YIPF6: variants seen among roughly 807,000 people sequenced by gnomAD.
The protein encoded by YIPF6 is Yip1 domain family member 6, also known as protein YIPF6.
In YIPF6, 3 loss-of-function variants were observed where a neutral mutation model predicts 16.8. The ratio of observed to expected loss-of-function variants is 0.18; its 90% CI spans 0.08 to 0.46. The LOEUF (loss-of-function observed/expected upper bound fraction) is 0.46. Ranked by LOEUF, YIPF6 falls within the 20% of genes least tolerant of loss-of-function variation. The pLI, the probability that YIPF6 is intolerant of heterozygous loss-of-function variation, is 0.98. For missense variants in YIPF6, 145 were observed against 184.9 expected (o/e 0.78, Z 1.25); for synonymous variants, 67 against 61.9 (o/e 1.08, Z -0.38).
chrX:68,521,339 T>A (rs201900614), intron 4 of YIPF6, 33 bp from the exon 5 acceptor site: 3 of 1,198,197 alleles, frequency 2.5e-6, no homozygotes, highest in South Asian at 1.9e-5. Context: ...AAGTAAAAGA[T>A]TAAGCAATTC....
intron 1 of YIPF6, among the ~76,000 whole-genome samples, chrX:68,503,446 G>C (rs759061776): frequency 9.0e-6 from 1 of 111,714 alleles, no homozygotes; most frequent in Non-Finnish European, 1.9e-5. Context: ...CGCCTTTCCC[G>C]CTGAGGGCTA....
intron 3 of YIPF6, among the ~76,000 whole-genome samples, chrX:68,517,784 A>G (rs1332301401): frequency 3.8e-5 from 4 of 106,381 alleles, no homozygotes; most frequent in African/African-American, 1.4e-4. Context: ...CCTGGGCAAC[A>G]TGGTGAAACT....
chrX:68,510,493 A>G (rs1371440710), intron 1 of YIPF6, among the ~76,000 whole-genome samples: 1 of 110,486 alleles, frequency 9.1e-6, no homozygotes, highest in African/African-American at 3.3e-5. Context: ...TTAAAAAAAA[A>G]TTCTATGGCA....
chrX:68,516,312 A>G (rs2079102430), intron 3 of YIPF6, among the ~76,000 whole-genome samples: 1 of 111,571 alleles, frequency 9.0e-6, no homozygotes, highest in Non-Finnish European at 1.9e-5. Context: ...TGTAGTGTAC[A>G]TAATTGTTCT....
At chrX:68,506,143 C>T (rs990937710) in intron 1 of YIPF6, among the ~76,000 whole-genome samples, 2 of 110,525 alleles carry the variant, frequency 1.8e-5, no homozygotes, top group African/African-American at 3.3e-5. Context: ...TACTTCCCTA[C>T]GTTTCTCTAA....
intron 6 of YIPF6, among the ~76,000 whole-genome samples, chrX:68,527,927 T>C (rs1216230735): frequency 2.7e-5 from 3 of 111,724 alleles, no homozygotes; most frequent in Non-Finnish European, 5.6e-5. Context: ...TGTGGTCAAT[T>C]TTAGAATAAG....
chrX:68,522,637 T>C (rs775835471), intron 5 of YIPF6, 123 bp from the exon 6 acceptor site: 4 of 643,859 alleles, frequency 6.2e-6, no homozygotes, highest in Non-Finnish European at 6.8e-6. Context: ...AATGTTAGGA[T>C]GTAGATGTTA....
rs1489726205 is a variant in YIPF6 at position 68,511,881 on chromosome X, A to G, written c.90A>G (p.Gln30=). ...FAGLSDISIS[Q]DIPVEGEITI... ...GCCTTTCAGATATATCCATCTCACA[A>G]GACATCCCCGTAGAAGGAGAAATCA... The change falls in exon 2 of 7, where the codon CAA becomes CAG. Residue 30 remains glutamine, a synonymous_variant. Transcript: ENST00000462683. 5 of 1,207,445 alleles carry G rather than the reference A, an allele frequency of 4.1e-6. No homozygotes were observed. The highest frequency in any genetic ancestry group is 5.6e-6 in the Non-Finnish European group (5 of 894,679).
intron 6 of YIPF6, among the ~76,000 whole-genome samples, chrX:68,523,616 T>C (rs1290044444): frequency 1.8e-5 from 2 of 112,512 alleles, no homozygotes; most frequent in Non-Finnish European, 3.8e-5. Flanking sequence ...ATGTGCTCAT[T>C]GTTTTTATAT....
chrX:68,530,294 A>G (rs1209175246), intron 6 of YIPF6, among the ~76,000 whole-genome samples: 3 of 111,065 alleles, frequency 2.7e-5, no homozygotes, highest in Non-Finnish European at 3.8e-5. Context: ...TCAAGCCTCA[A>G]TAATGGTGGT....
intron 1 of YIPF6, among the ~76,000 whole-genome samples, chrX:68,506,281 C>T (rs955143548): frequency 1.8e-5 from 2 of 110,482 alleles, no homozygotes; most frequent in Admixed American, 2.0e-4. Flanking sequence ...CCCATATACA[C>T]CTTCAACAAT....
At chrX:68,501,478 C>T (rs187487514) in intron 1 of YIPF6, among the ~76,000 whole-genome samples, 1 of 111,938 alleles carries the variant, frequency 8.9e-6, no homozygotes, top group Admixed American at 9.5e-5. Flanking sequence ...TGGCTTTTAA[C>T]TACATTTTAT....
intron 2 of YIPF6, among the ~76,000 whole-genome samples, chrX:68,512,344 C>T (rs747013137): frequency 1.5e-4 from 16 of 109,622 alleles, no homozygotes; most frequent in Non-Finnish European, 2.8e-4. Flanking sequence ...GCCTGAAATC[C>T]CAGCTGCTTG....
chrX:68,528,042 A>T (rs765889872), intron 6 of YIPF6, among the ~76,000 whole-genome samples: 1 of 111,016 alleles, frequency 9.0e-6, no homozygotes, highest in East Asian at 2.8e-4. Flanking sequence ...ATCCTTGTTA[A>T]TTTTCTGTCT....
At chrX:68,502,879 A>G (rs1335030951) in intron 1 of YIPF6, among the ~76,000 whole-genome samples, 2 of 101,271 alleles carry the variant, frequency 2.0e-5, no homozygotes, top group African/African-American at 7.4e-5. Context: ...CCAGGGTTGG[A>G]GTGCAATGGT....
chrX:68,499,910 G>C (rs888493223), intron 1 of YIPF6, among the ~76,000 whole-genome samples: 2 of 112,479 alleles, frequency 1.8e-5, no homozygotes, highest in Admixed American at 9.5e-5. Flanking sequence ...AAAGTGTTGG[G>C]ATTACAGGCG....
At chrX:68,530,923 A>G (rs949545760) in intron 6 of YIPF6, among the ~76,000 whole-genome samples, 2 of 110,973 alleles carry the variant, frequency 1.8e-5, no homozygotes, top group African/African-American at 3.3e-5. Context: ...CCATCTTGCC[A>G]GCCACCTCCT....
intron 3 of YIPF6, chrX:68,514,213 A>G (rs1461508452): frequency 3.0e-5 from 3 of 98,918 alleles, no homozygotes; most frequent in Non-Finnish European, 2.0e-5. Context: ...TGGGTGACAG[A>G]GTGAGACCTG....
At chrX:68,524,408 A>T (rs1403623534) in intron 6 of YIPF6, among the ~76,000 whole-genome samples, 1 of 110,202 alleles carries the variant, frequency 9.1e-6, no homozygotes, top group Non-Finnish European at 1.9e-5. Flanking sequence ...ACCTCAGGTG[A>T]TCCACCCGCC....
Sources: allele counts gnomAD v4.1 joint callset (sites outside exome capture counted in the v4.1 genomes callset), GRCh38; gene constraint gnomAD v4.1.1; transcripts MANE v1.5; gene names NCBI Gene and HGNC (gene_info 2026-07-23, HGNC 2026-07-21).